HNRNPR: variants seen among roughly 807,000 people sequenced by gnomAD.
The protein encoded by HNRNPR is heterogeneous nuclear ribonucleoprotein R.
HNRNPR carries 4 observed loss-of-function variants against 70.3 expected under a neutral mutation model. The observed-to-expected ratio is 0.06, with a 90% CI of 0.03 to 0.13. The LOEUF is 0.13. Among genes scored for constraint, HNRNPR ranks in the 10% least tolerant of loss-of-function variants. The probability of loss-of-function intolerance (pLI) is 1.00; values close to 1 mark genes in which losing one functional copy is unlikely to be tolerated. For synonymous variants in HNRNPR, 241 were observed against 267.6 expected, an observed-to-expected ratio of 0.90 and a Z score of 0.97; for missense variants, 423 against 788.5, an observed-to-expected ratio of 0.54 and a Z score of 5.55.
At chr1:23,324,262 T>C (rs1049246559) in intron 5 of HNRNPR, among the ~76,000 whole-genome samples, 3 of 152,094 alleles carry the variant, frequency 2.0e-5, no homozygotes, top group African/African-American at 7.2e-5. Context: ...AACTCTAAAA[T>C]CTTTACTACT....
chr1:23,335,279 G>A (rs984213106), intron 4 of HNRNPR, among the ~76,000 whole-genome samples: 3 of 152,188 alleles, frequency 2.0e-5, no homozygotes, highest in African/African-American at 7.2e-5. Flanking sequence ...CAAGTTCAGT[G>A]AACACTAGGA....
At chr1:23,340,785 C>T in intron 2 of HNRNPR, 67 bp downstream of exon 2, 1 of 1,278,926 alleles carries the variant, frequency 7.8e-7, no homozygotes, top group East Asian at 2.4e-5. Flanking sequence ...CCTTAAAAAA[C>T]TATAAAATTC....
At chr1:23,329,182 T>C (rs1646119464) in intron 5 of HNRNPR, among the ~76,000 whole-genome samples, 1 of 152,070 alleles carries the variant, frequency 6.6e-6, no homozygotes, top group South Asian at 2.1e-4. Context: ...CCCAATACTA[T>C]AGTCACGTGA....
At chr1:23,337,904 AT>A in intron 3 of HNRNPR, 43 bp from the exon 4 acceptor site, 1 of 1,145,002 alleles carries the variant, frequency 8.7e-7, no homozygotes. Flanking sequence ...CACCAAAAAT[AT>A]CTGAAGGGTC....
rs1472873447 is a variant in HNRNPR, at chr1:23,307,806, A to G, written c.*2648T>C. On this transcript the variant is annotated 3_prime_UTR_variant, in exon 11 of 11. Coordinates refer to ENST00000302271, the MANE Select transcript of HNRNPR (RefSeq NM_005826.5). ...TATTTCCCAACACACACTTTACTGT[A>G]ACAGGCTCATAAATAAAGCCAAATC... is the stretch of plus-strand genomic sequence containing the variant. 6.6e-6 allele frequency: 1 copy of G among 152,040 alleles called. No homozygotes were observed. 9.4% of individuals were successfully genotyped at this position (152,040 alleles called of 1,614,324 possible).
chr1:23,336,381 T>C (rs903824188), intron 4 of HNRNPR, among the ~76,000 whole-genome samples: 2 of 150,526 alleles, frequency 1.3e-5, no homozygotes, highest in Non-Finnish European at 3.0e-5. Flanking sequence ...CTGGCTAACA[T>C]AGTGAAACCC....
intron 1 of HNRNPR, among the ~76,000 whole-genome samples, chr1:23,344,004 G>A (rs527508255): frequency 6.6e-6 from 1 of 152,110 alleles, no homozygotes; most frequent in African/African-American, 2.4e-5. Flanking sequence ...GGGGCGGGGG[G>A]AGGAAGAGCG....
At chr1:23,320,190 GAATA>G (rs1239926379) in intron 7 of HNRNPR, among the ~76,000 whole-genome samples, 2 of 152,178 alleles carry the variant, frequency 1.3e-5, no homozygotes, top group Non-Finnish European at 2.9e-5. Context: ...CTGAAAGAAT[GAATA>G]AATGATCATG....
chr1:23,310,515 T>C lies in HNRNPR; in HGVS notation c.1841A>G (p.Tyr614Cys), dbSNP rs780881078. Residue 614 changes from tyrosine to cysteine, a missense_variant, in exon 11 of 11, where the codon TAT becomes TGT. Tyr to Cys is a radical substitution (Grantham distance 194). This residue lies in a region of HNRNPR where 39 missense variants were observed against 53.2 expected (regional missense o/e 0.73). Transcript: ENST00000302271. The surrounding 1 kb of genome is among the most constrained non-coding windows in gnomAD (Gnocchi z 6.0). ...LQQGGDYSGN[Y>C]GYNNDNQEFY... is the part of the protein sequence containing the mutation. ...TTCCTGGTTGTCATTATTGTAACCA[T>C]AGTTACCAGAATAGTCACCACCTTG... The C allele has an allele frequency of 2.5e-6, 4 of 1,613,804 alleles. No individual in the cohort carries two copies. The South Asian group carries it at 3.3e-5, about 13-fold the overall frequency.
rs556466923 is a variant in HNRNPR at position 23,329,218 on chromosome 1, C to T, written c.498+4300G>A. The stretch of plus-strand genomic sequence containing the variant: ...GTCCATGAAGAAACAGACCACGAAT[C>T]GAAAACACTGGTTTATCTAAGAAAC... On this transcript the variant is annotated intron_variant, in intron 5 of 10. Transcript: ENST00000302271. 5.7e-4 allele frequency among the ~76,000 whole-genome samples: 86 copies of T among 152,180 alleles called. 3 individuals carry two copies. The highest frequency in any genetic ancestry group is 8.8e-5 in the Non-Finnish European group (6 of 68,016).
At chr1:23,341,101 T>C in intron 1 of HNRNPR, 84 bp from the exon 2 acceptor site, 2 of 955,504 alleles carry the variant, frequency 2.1e-6, no homozygotes, top group Non-Finnish European at 3.2e-6. Context: ...TCTAAACTAA[T>C]TTGTATACAT....
chr1:23,333,463 G>T, intron 5 of HNRNPR, 55 bp downstream of exon 5: 1 of 1,098,960 alleles, frequency 9.1e-7, no homozygotes, highest in Non-Finnish European at 1.4e-6. Context: ...CTGCATAGTA[G>T]ATAAAACACT....
intron 8 of HNRNPR, among the ~76,000 whole-genome samples, chr1:23,315,971 T>C (rs903045060): frequency 1.3e-5 from 2 of 152,182 alleles, no homozygotes; most frequent in Non-Finnish European, 2.9e-5. Flanking sequence ...TGAAAATTAC[T>C]TACTGAAATT....
In HNRNPR at chr1:23,333,605, A is replaced by G. The variant is rs183334101; in HGVS notation, c.411T>C (p.Thr137=). The G allele has an allele frequency of 2.2e-4, 362 of 1,611,518 alleles. No homozygotes were observed. In the East Asian group the frequency reaches 8.0e-3, roughly 36 times the overall value. ...TCCTCTGTCCTGTGGTTACATCCAG[A>G]GTATAACCAGTTCTCTCAAGCAAGG... ...IKALLERTGY[T]LDVTTGQRKY... is the part of the protein sequence containing the mutation. Residue 137 remains threonine (T), a synonymous_variant, in exon 5 of 11, where the codon ACT becomes ACC. Transcript: ENST00000302271.
chr1:23,332,002 G>C (rs1016803894), intron 5 of HNRNPR, among the ~76,000 whole-genome samples: 1 of 151,302 alleles, frequency 6.6e-6, no homozygotes, highest in African/African-American at 2.4e-5. Flanking sequence ...CGTGGTGGCA[G>C]GCATCTGTAG....
In HNRNPR at chr1:23,323,726, C is replaced by T. The variant is rs1322896162; in HGVS notation, c.505G>A (p.Val169Ile). 6.2e-7 allele frequency: 1 copy of T among 1,613,202 alleles called. No homozygotes were observed. The highest frequency in any genetic ancestry group is 8.5e-7 in the Non-Finnish European group (1 of 1,179,262). ...VQPGIGTEVFVGKIPRDLYED... is the reference protein window; with the variant it reads ...VQPGIGTEVFIGKIPRDLYED... ...TATAAATCCCTTGGTATTTTGCCTACAAATACCTGAAATAAAACCCCCTTA... is the reference window on the plus strand; with the variant it reads ...TATAAATCCCTTGGTATTTTGCCTATAAATACCTGAAATAAAACCCCCTTA... The change falls in exon 6 of 11, where the codon GTA (valine) becomes ATA (isoleucine). Residue 169 changes from valine (V) to isoleucine (I), a missense_variant. By Grantham distance (29) the Val-to-Ile change is conservative. Coordinates refer to ENST00000302271, the MANE Select transcript of HNRNPR (RefSeq NM_005826.5).
At chr1:23,315,205 G>A (rs550259828) in intron 8 of HNRNPR, among the ~76,000 whole-genome samples, 2 of 150,578 alleles carry the variant, frequency 1.3e-5, no homozygotes, top group South Asian at 4.2e-4. Flanking sequence ...ACTTGAACCC[G>A]GGAGGCAGAG....
At chr1:23,322,518 G>A (rs1284857755) in intron 6 of HNRNPR, among the ~76,000 whole-genome samples, 1 of 152,242 alleles carries the variant, frequency 6.6e-6, no homozygotes, top group Non-Finnish European at 1.5e-5. Context: ...TTACAGGCGT[G>A]AGCCACCACA....
At chr1:23,312,454 C>T (rs528257764) in intron 9 of HNRNPR, among the ~76,000 whole-genome samples, 11 of 152,112 alleles carry the variant, frequency 7.2e-5, no homozygotes, top group Non-Finnish European at 1.3e-4. Flanking sequence ...ATTTAGACAG[C>T]ATAAAATTAT....
Sources: gnomAD v4.1 joint callset for allele counts (sites outside exome capture counted in the v4.1 genomes callset) on GRCh38, gnomAD v4.1.1 for gene constraint, gnomAD v4.1.1 regional missense constraint, Gnocchi (gnomAD v3.1) non-coding constraint, MANE v1.5 for transcripts, NCBI Gene and HGNC (gene_info 2026-07-23, HGNC 2026-07-21) for gene names.